The following SLC2A11 variants were observed in gnomAD, a reference collection of about 807,000 sequenced individuals.
SLC2A11 encodes solute carrier family 2, facilitated glucose transporter member 11.
A neutral mutation model predicts 52.1 loss-of-function variants in SLC2A11; 43 were observed. The observed-to-expected ratio is 0.82, with a 90% CI of 0.65 to 1.06. The LOEUF is 1.06. Among genes scored for constraint, SLC2A11 ranks in the 50% least tolerant of loss-of-function variants. The pLI is 0.00. For missense variants in SLC2A11, 582 were observed against 654.2 expected (o/e 0.89, Z 1.20); for synonymous variants, 261 against 277.6 (o/e 0.94, Z 0.59).
intron 3 of SLC2A11, chr22:23,871,692 A>C (rs560364037): frequency 6.6e-6 from 1 of 152,094 alleles, no homozygotes; most frequent in Admixed American, 6.6e-5. Context: ...CGGTGAGCCG[A>C]GATCATGCCA....
intron 1 of SLC2A11, among the ~76,000 whole-genome samples, chr22:23,860,741 T>TC (rs1391345980): frequency 6.6e-6 from 1 of 150,640 alleles, no homozygotes; most frequent in Admixed American, 6.6e-5. Flanking sequence ...TCTTTTTTTT[T>TC]TTTGAGACGG....
At chr22:23,881,960 A>G (rs1485273861) in intron 6 of SLC2A11, 2 of 174,276 alleles carry the variant, frequency 1.1e-5, no homozygotes, top group African/African-American at 2.7e-5. Context: ...AGAAACACAC[A>G]CACACACACA....
chr22:23,863,494 T>C (rs953405094), intron 2 of SLC2A11, among the ~76,000 whole-genome samples: 35 of 151,894 alleles, frequency 2.3e-4, no homozygotes, highest in Non-Finnish European at 2.9e-5. Context: ...TACCTAATCA[T>C]GTAACTGGGA....
intron 5 of SLC2A11, 42 bp from the exon 6 acceptor site, chr22:23,877,679 G>A (rs770168301): frequency 4.6e-6 from 7 of 1,523,590 alleles, no homozygotes; most frequent in South Asian, 3.9e-5. Context: ...GTAGGACTCT[G>A]GCAAAGAGGC....
chr22:23,877,502 G>GA (rs1463500114), intron 5 of SLC2A11: 10 of 776,610 alleles, frequency 1.3e-5, no homozygotes, highest in African/African-American at 3.4e-5. Context: ...GGACCCTTGG[G>GA]AAGAGGAGTT....
At position 23,875,123 on chromosome 22, in the gene SLC2A11, G is replaced by A. The variant is rs1568991948; in HGVS notation, c.297G>A (p.Lys99=). Residue 99 remains lysine (K), a synonymous_variant, in exon 4 of 12, where the codon AAG becomes AAA. Transcript: ENST00000316185. ...GTGTTTCACTTCCCCCAAGGAAGAA[G>A]TCCCTCCTGGTGAATAACATCTTTG... ...GPLAITLGRK[K]SLLVNNIFVV... is the part of the protein sequence containing the mutation. 3 of 1,580,448 alleles carry A rather than the reference G, an allele frequency of 1.9e-6. No homozygotes were observed. In the South Asian group the frequency reaches 3.5e-5, roughly 18 times the overall value.
At chr22:23,873,379 T>G (rs1474155048) in intron 3 of SLC2A11, 1 of 150,706 alleles carries the variant, frequency 6.6e-6, no homozygotes, top group Admixed American at 6.6e-5. Flanking sequence ...GACCTTGAAT[T>G]TATTTATTAT....
chr22:23,879,300 G>A (rs1209715777), intron 6 of SLC2A11, among the ~76,000 whole-genome samples: 2 of 152,008 alleles, frequency 1.3e-5, no homozygotes, highest in South Asian at 4.2e-4. Context: ...TCACTCTGTC[G>A]CCCAGGCTGG....
intron 6 of SLC2A11, among the ~76,000 whole-genome samples, chr22:23,878,976 G>A (rs1479556000): frequency 1.3e-5 from 2 of 152,156 alleles, no homozygotes; most frequent in Non-Finnish European, 2.9e-5. Flanking sequence ...AAACGAGGAA[G>A]CAAGGCAGGC....
upstream of SLC2A11, chr22:23,857,060 A>C: frequency 3.5e-5 from 21 of 598,054 alleles, no homozygotes; most frequent in Non-Finnish European, 5.5e-5. Flanking sequence ...ACCTGAACCA[A>C]AGTGTGTGTG....
chr22:23,882,041 CAGAG>C (rs779702882), intron 6 of SLC2A11: 6 of 205,558 alleles, frequency 2.9e-5, no homozygotes, highest in East Asian at 1.1e-4. Flanking sequence ...GACACAGAGA[CAGAG>C]AGATTGAGAG....
At chr22:23,857,058 C>T (rs1213725126), upstream of SLC2A11, 5 of 1,017,586 alleles carry the variant, frequency 4.9e-6, no homozygotes, top group Admixed American at 1.2e-4. Flanking sequence ...ATACCTGAAC[C>T]AAAGTGTGTG....
chr22:23,877,596 T>G, intron 5 of SLC2A11, 125 bp from the exon 6 acceptor site: 1 of 1,265,610 alleles, frequency 7.9e-7, no homozygotes, highest in Non-Finnish European at 1.1e-6. Context: ...GACCCAGACT[T>G]GGATAGGAAG....
At chr22:23,871,448 G>A (rs1423685609) in intron 3 of SLC2A11, 4 of 144,540 alleles carry the variant, frequency 2.8e-5, no homozygotes, top group African/African-American at 1.0e-4. Context: ...GGCAAAAGAA[G>A]TCCATGCTAG....
At chr22:23,868,780 T>C in intron 3 of SLC2A11, 139 bp downstream of exon 3, 1 of 1,022,814 alleles carries the variant, frequency 9.8e-7, no homozygotes. Context: ...TTACTCTGCC[T>C]GGAGTTTCAC....
intron 3 of SLC2A11, 91 bp from the exon 4 acceptor site, chr22:23,875,026 G>A: frequency 7.4e-7 from 1 of 1,360,322 alleles, no homozygotes; most frequent in Non-Finnish European, 9.6e-7. Flanking sequence ...GTCTAATTAA[G>A]GCTTGTTACA....
At chr22:23,862,003 G>A (rs1319452178) in intron 1 of SLC2A11, 101 bp from the exon 2 acceptor site, 1 of 969,304 alleles carries the variant, frequency 1.0e-6, no homozygotes. Context: ...AGACATCACT[G>A]CCTGATTCAA....
rs2032347483 is a variant in SLC2A11, at chr22:23,868,579, G to A, written c.228G>A (p.Leu76=). The A allele has an allele frequency of 1.9e-6, 3 of 1,614,086 alleles. No homozygotes were observed. Among genetic ancestry groups the A allele is most frequent in the Middle Eastern group, 1.6e-4 (1 of 6,084 alleles). The part of the protein sequence containing the change: ...VLLMWSLIVS[L]YPLGGLFGAL... ...TTATGTGGTCCCTCATCGTGTCTCT[G>A]TATCCCCTGGGAGGCCTCTTTGGAG... The change falls in exon 3 of 12, where the codon CTG becomes CTA. Residue 76 remains leucine (L), a synonymous_variant. Transcript: ENST00000316185.
chr22:23,858,917 A>G (rs1455574917), intron 1 of SLC2A11, among the ~76,000 whole-genome samples: 1 of 152,238 alleles, frequency 6.6e-6, no homozygotes, highest in Non-Finnish European at 1.5e-5. Flanking sequence ...CACCTAGAAC[A>G]GTAGGATTAT....
Sources: allele counts gnomAD v4.1 joint callset (sites outside exome capture counted in the v4.1 genomes callset), GRCh38; gene constraint gnomAD v4.1.1; transcripts MANE v1.5; gene names NCBI Gene and HGNC (gene_info 2026-07-23, HGNC 2026-07-21).